Variants in KANK4 observed in about 807,000 individuals in gnomAD.
KANK4 encodes KN motif and ankyrin repeat domains 4, also known as KN motif and ankyrin repeat domain-containing protein 4.
A neutral mutation model predicts 80.8 loss-of-function variants in KANK4; 50 were observed. That is an observed-to-expected ratio of 0.62 (90% confidence interval 0.49 to 0.78). The LOEUF is 0.78. Among genes scored for constraint, KANK4 ranks in the 30% least tolerant of loss-of-function variants. The pLI is 0.00. For synonymous variants in KANK4, 465 were observed against 506.9 expected (o/e 0.92, Z 1.11); for missense variants, 1,196 against 1,240.1 (o/e 0.96, Z 0.53).
At chr1:62,240,298 C>T (rs1671306312) in intron 9 of KANK4, among the ~76,000 whole-genome samples, 1 of 152,190 alleles carries the variant, frequency 6.6e-6, no homozygotes, top group African/African-American at 2.4e-5. Flanking sequence ...TGTCTTTTGG[C>T]TGCATAAATG....
At chr1:62,318,972 G>C (rs960676690) in intron 1 of KANK4, 134 bp downstream of exon 1, 1 of 152,494 alleles carries the variant, frequency 6.6e-6, no homozygotes, top group South Asian at 2.1e-4. Flanking sequence ...GCGGCGCTGG[G>C]GACTGGGCGA....
intron 1 of KANK4, among the ~76,000 whole-genome samples, chr1:62,294,812 G>A (rs1187956311): frequency 2.0e-5 from 3 of 152,234 alleles, no homozygotes; most frequent in Non-Finnish European, 1.5e-5. Context: ...GCCAGCCAGA[G>A]GAAGGGCAGG....
chr1:62,276,772 C>T (rs903430002), intron 2 of KANK4, among the ~76,000 whole-genome samples: 12 of 63,610 alleles, frequency 1.9e-4, no homozygotes, highest in African/African-American at 9.0e-5. Flanking sequence ...AGCAAAACTC[C>T]ATCTCAAAAA....
intron 1 of KANK4, among the ~76,000 whole-genome samples, chr1:62,306,320 A>C (rs887529348): frequency 6.6e-6 from 1 of 152,190 alleles, no homozygotes; most frequent in Non-Finnish European, 1.5e-5. Context: ...ACCCAGACAT[A>C]ATTAATGACT....
chr1:62,243,859 C>G (rs1671403717), intron 9 of KANK4, among the ~76,000 whole-genome samples: 1 of 152,170 alleles, frequency 6.6e-6, no homozygotes, highest in Non-Finnish European at 1.5e-5. Flanking sequence ...GGGTCAGTCG[C>G]CCTACTCTGA....
chr1:62,264,889 T>C (rs754517788), intron 6 of KANK4, among the ~76,000 whole-genome samples: 23 of 152,152 alleles, frequency 1.5e-4, no homozygotes, highest in Non-Finnish European at 2.4e-4. Context: ...TGGAGTGCAG[T>C]TGTATGATCT....
At chr1:62,285,397 T>C (rs1672541747) in intron 1 of KANK4, among the ~76,000 whole-genome samples, 1 of 152,190 alleles carries the variant, frequency 6.6e-6, no homozygotes, top group South Asian at 2.1e-4. Flanking sequence ...TCCTGCAGCA[T>C]TTATCCGCAC....
At chr1:62,309,952 C>A (rs1008071776) in intron 1 of KANK4, among the ~76,000 whole-genome samples, 2 of 152,232 alleles carry the variant, frequency 1.3e-5, no homozygotes, top group African/African-American at 4.8e-5. Context: ...ACCCACAGGC[C>A]TGGCTGACAC....
At chr1:62,253,910 C>T (rs941458065) in intron 7 of KANK4, among the ~76,000 whole-genome samples, 22 of 152,186 alleles carry the variant, frequency 1.4e-4, no homozygotes, top group Non-Finnish European at 1.5e-5. Flanking sequence ...TGAAGTGGGT[C>T]AGGAACACTC....
intron 9 of KANK4, among the ~76,000 whole-genome samples, chr1:62,240,433 G>A (rs1671308839): frequency 6.6e-6 from 1 of 152,192 alleles, no homozygotes; most frequent in Non-Finnish European, 1.5e-5. Context: ...ACTTTGGGAG[G>A]CCAAGGCCGG....
intron 1 of KANK4, among the ~76,000 whole-genome samples, chr1:62,310,667 C>T (rs1302811816): frequency 6.6e-6 from 1 of 152,136 alleles, no homozygotes; most frequent in East Asian, 1.9e-4. Flanking sequence ...TTCACAAGGC[C>T]AGAGCCAGGT....
intron 1 of KANK4, among the ~76,000 whole-genome samples, chr1:62,297,019 C>A (rs1462841687): frequency 4.6e-5 from 7 of 151,886 alleles, no homozygotes; most frequent in Non-Finnish European, 4.4e-5. Context: ...GAGTTTGAGA[C>A]CAGCCTGGCC....
In KANK4 at chr1:62,286,908, C is replaced by T. The variant is rs140532497; in HGVS notation, c.-70-5274G>A. Among the ~76,000 whole-genome samples, 534 of 152,270 alleles carry T rather than the reference C, an allele frequency of 3.5e-3. 1 individual carries two copies. Among genetic ancestry groups the T allele is most frequent in the Middle Eastern group, 0.017 (5 of 294 alleles). ...CCTGCTGCTCTACCAATCTGCTGCC[C>T]TAGAGCACCAAAACACACCCAGTTC... is the stretch of plus-strand genomic sequence containing the variant. On this transcript the variant is annotated intron_variant, in intron 1 of 9. Transcript: ENST00000371153.
At chr1:62,253,034 T>C (rs1570970348) in intron 8 of KANK4, 33 bp downstream of exon 8, 1 of 1,608,976 alleles carries the variant, frequency 6.2e-7, no homozygotes, top group Non-Finnish European at 8.5e-7. Context: ...CCCCTGCATT[T>C]ACTGAAGAGG....
intron 1 of KANK4, chr1:62,298,324 T>C (rs972254690): frequency 3.3e-5 from 5 of 152,240 alleles, no homozygotes; most frequent in African/African-American, 1.2e-4. Context: ...TGAGAAGTAC[T>C]GTTCTAACCT....
At chr1:62,313,306 C>A (rs1192091597) in intron 1 of KANK4, among the ~76,000 whole-genome samples, 1 of 152,170 alleles carries the variant, frequency 6.6e-6, no homozygotes, top group Non-Finnish European at 1.5e-5. Context: ...TACTGTACTG[C>A]ATTTTATGGC....
At chr1:62,318,225 C>G (rs1419330171) in intron 1 of KANK4, among the ~76,000 whole-genome samples, 2 of 152,214 alleles carry the variant, frequency 1.3e-5, no homozygotes. Flanking sequence ...CCTCCTCCCT[C>G]TCCTGGAAAA....
intron 1 of KANK4, among the ~76,000 whole-genome samples, chr1:62,299,827 G>A (rs1192909454): frequency 1.3e-5 from 2 of 152,110 alleles, no homozygotes; most frequent in Non-Finnish European, 2.9e-5. Context: ...TTCACCTCTG[G>A]ACTTTTCTTT....
chr1:62,272,700 G>C (rs1207625939), intron 3 of KANK4: 1 of 152,134 alleles, frequency 6.6e-6, no homozygotes, highest in African/African-American at 2.4e-5. Context: ...CCCAACCTTA[G>C]AGCAAAGGCA....
Sources: allele counts gnomAD v4.1 joint callset (sites outside exome capture counted in the v4.1 genomes callset), GRCh38; gene constraint gnomAD v4.1.1; transcripts MANE v1.5; gene names NCBI Gene and HGNC (gene_info 2026-07-23, HGNC 2026-07-21).